The following GALNT13 variants were observed in gnomAD, a reference collection of about 807,000 sequenced individuals.
GALNT13 encodes polypeptide N-acetylgalactosaminyltransferase 13, also known as UDP-GalNAc:polypeptide N-acetylgalactosaminyltransferase 13.
Under a neutral mutation model 64.2 loss-of-function variants are expected in GALNT13, and 28 were observed. The ratio of observed to expected loss-of-function variants is 0.44; its 90% CI spans 0.32 to 0.60. The LOEUF (loss-of-function observed/expected upper bound fraction) is 0.60, where lower values mean the gene tolerates loss of function less well. GALNT13 is among the 20% of genes least tolerant of loss of function. The pLI, the probability that GALNT13 is intolerant of heterozygous loss-of-function variation, is 0.05. For synonymous variants in GALNT13, 214 were observed against 224.6 expected, an observed-to-expected ratio of 0.95 and a Z score of 0.42; for missense variants, 577 against 669.8, an observed-to-expected ratio of 0.86 and a Z score of 1.53.
intron 3 of GALNT13, among the ~76,000 whole-genome samples, chr2:153,967,840 T>C (rs1360418665): frequency 6.6e-6 from 1 of 152,104 alleles, no homozygotes; most frequent in Admixed American, 6.5e-5. Context: ...AACCTGTCAG[T>C]GCAGTGGATT....
At chr2:154,340,896 A>ATG (rs1352815053) in intron 9 of GALNT13, among the ~76,000 whole-genome samples, 107 of 60,128 alleles carry the variant, frequency 1.8e-3, no homozygotes, top group African/African-American at 4.2e-3. Context: ...CTTTGTGTGT[A>ATG]TGAGTGTGTG....
At chr2:153,366,720 GACACACACACACACAC>G in the GALNT13 span, among the ~76,000 whole-genome samples, 6,365 of 109,146 alleles carry the variant, frequency 0.058, 157 homozygotes, top group Middle Eastern at 0.093. Context: ...AGCACACAGG[GACACACACACACACAC>G]ACACACACAC....
chr2:154,396,154 A>C, intron 10 of GALNT13, 24 bp downstream of exon 10: 1 of 1,509,700 alleles, frequency 6.6e-7, no homozygotes, highest in Non-Finnish European at 8.9e-7. Context: ...ATTTTGGTTA[A>C]GTTATAAATA....
intron 10 of GALNT13, among the ~76,000 whole-genome samples, chr2:154,397,174 G>A (rs893884476): frequency 6.6e-6 from 1 of 151,992 alleles, no homozygotes; most frequent in East Asian, 1.9e-4. Flanking sequence ...AGTGGTTCAC[G>A]ACTGTAATCC....
the GALNT13 span, among the ~76,000 whole-genome samples, chr2:153,653,125 TCTA>T: frequency 6.6e-6 from 1 of 152,286 alleles, no homozygotes; most frequent in African/African-American, 2.4e-5. Flanking sequence ...TCCAAATTTA[TCTA>T]CTATTTTTGT....
chr2:154,454,078 C>G (rs551764322), downstream of GALNT13, among the ~76,000 whole-genome samples: 66 of 152,254 alleles, frequency 4.3e-4, no homozygotes, highest in East Asian at 2.1e-3. Flanking sequence ...AGAGATATCA[C>G]TGTCTTAAAA....
chr2:154,059,187 C>T (rs939510591), intron 3 of GALNT13, among the ~76,000 whole-genome samples: 17 of 152,170 alleles, frequency 1.1e-4, no homozygotes, highest in African/African-American at 2.9e-4. Flanking sequence ...TGTCTCCGTT[C>T]GCCTAACCTG....
At chr2:153,934,185 A>T (rs1690737038) in intron 2 of GALNT13, among the ~76,000 whole-genome samples, 1 of 152,198 alleles carries the variant, frequency 6.6e-6, no homozygotes, top group Admixed American at 6.6e-5. Context: ...GGATAAATGA[A>T]AGGAATATTT....
At chr2:154,328,096 A>G (rs1317898575) in intron 9 of GALNT13, among the ~76,000 whole-genome samples, 3 of 152,134 alleles carry the variant, frequency 2.0e-5, no homozygotes, top group Non-Finnish European at 2.9e-5. Flanking sequence ...ACGAAAATGA[A>G]TATCTTTGTC....
At chr2:154,232,409 C>A (rs1688964203) in intron 4 of GALNT13, among the ~76,000 whole-genome samples, 1 of 152,050 alleles carries the variant, frequency 6.6e-6, no homozygotes, top group African/African-American at 2.4e-5. Flanking sequence ...AGGCACCAGG[C>A]CTTGATGGAC....
chr2:153,432,715 G>A, the GALNT13 span, among the ~76,000 whole-genome samples: 1 of 151,852 alleles, frequency 6.6e-6, no homozygotes, highest in Admixed American at 6.6e-5. Context: ...TTTTTGGCTG[G>A]GGGGTGGGGA....
At chr2:153,678,385 A>G in the GALNT13 span, among the ~76,000 whole-genome samples, 1 of 152,162 alleles carries the variant, frequency 6.6e-6, no homozygotes, top group South Asian at 2.1e-4. Context: ...CAGCAACATG[A>G]ATGGAGCTGG....
At chr2:153,248,481 A>C in the GALNT13 span, among the ~76,000 whole-genome samples, 1 of 147,804 alleles carries the variant, frequency 6.8e-6, no homozygotes, top group South Asian at 2.1e-4. Context: ...ATTTTAATAG[A>C]TGCAGAAAAG....
chr2:153,083,057 G>A, the GALNT13 span, among the ~76,000 whole-genome samples: 1 of 152,066 alleles, frequency 6.6e-6, no homozygotes, highest in Non-Finnish European at 1.5e-5. Flanking sequence ...TCAAACTCCT[G>A]ACCACTTGAT....
the GALNT13 span, among the ~76,000 whole-genome samples, chr2:153,530,691 G>T: frequency 3.3e-5 from 5 of 151,860 alleles, no homozygotes; most frequent in Non-Finnish European, 7.4e-5. Context: ...ATCAAAAAGA[G>T]AGACACACAG....
chr2:153,762,404 A>G, the GALNT13 span: 2 of 152,162 alleles, frequency 1.3e-5, no homozygotes, highest in Non-Finnish European at 2.9e-5. Context: ...TCCATAGGGG[A>G]CCCAGAACTG....
chr2:153,700,777 C>T, the GALNT13 span, among the ~76,000 whole-genome samples: 4 of 152,046 alleles, frequency 2.6e-5, no homozygotes, highest in African/African-American at 4.8e-5. Flanking sequence ...TAGGAATATA[C>T]CTAACAAGGG....
intron 12 of GALNT13, among the ~76,000 whole-genome samples, chr2:154,449,444 AAAAAAAAT>A (rs1246877191): frequency 9.1e-6 from 1 of 109,632 alleles, no homozygotes; most frequent in Non-Finnish European, 1.8e-5. Flanking sequence ...AAAAAAAAAA[AAAAAAAAT>A]TTCTTTGCCT....
chr2:153,638,195 G>A, the GALNT13 span, among the ~76,000 whole-genome samples: 3 of 152,106 alleles, frequency 2.0e-5, no homozygotes, highest in African/African-American at 7.2e-5. Context: ...TGTAGTGATA[G>A]GCAGATCATT....
Sources: gnomAD v4.1 joint callset for allele counts (sites outside exome capture counted in the v4.1 genomes callset) on GRCh38, gnomAD v4.1.1 for gene constraint, MANE v1.5 for transcripts, NCBI Gene and HGNC (gene_info 2026-07-23, HGNC 2026-07-21) for gene names.